Variants in SF3A3 observed in about 807,000 individuals in gnomAD.
SF3A3 encodes splicing factor 3a subunit 3.
In SF3A3, 9 loss-of-function variants were observed where a neutral mutation model predicts 85.8. The observed-to-expected ratio is 0.10, with a 90% CI of 0.06 to 0.18. The LOEUF (loss-of-function observed/expected upper bound fraction) is 0.18, where lower values mean the gene tolerates loss of function less well. Ranked by LOEUF, SF3A3 falls within the 10% of genes least tolerant of loss-of-function variation. The pLI, the probability that SF3A3 is intolerant of heterozygous loss-of-function variation, is 1.00. For missense variants in SF3A3, 306 were observed against 593.3 expected, an observed-to-expected ratio of 0.52 and a Z score of 5.03; for synonymous variants, 195 against 204.4, an observed-to-expected ratio of 0.95 and a Z score of 0.39.
chr1:37,960,069 A>G, intron 16 of SF3A3, 51 bp downstream of exon 16: 4 of 1,456,696 alleles, frequency 2.7e-6, no homozygotes, highest in Non-Finnish European at 3.8e-6. Flanking sequence ...ATGGTGAGGG[A>G]GCTCTCTATC....
At chr1:37,970,345 C>G (rs1361395446) in intron 12 of SF3A3, among the ~76,000 whole-genome samples, 1 of 151,676 alleles carries the variant, frequency 6.6e-6, no homozygotes, top group Non-Finnish European at 1.5e-5. Context: ...ACAGGAGCAC[C>G]CAGATTCATA....
chr1:37,957,375 T>TCCCCCCCC lies in SF3A3; in HGVS notation c.*803_*810dup, dbSNP rs779665930. ...CAGGCCCATTCCAACACAGCCCAAC[T>TCCCCCCCC]CCCCCCCCCCCCCCTTTTTTTTTTT... On this transcript the variant is annotated 3_prime_UTR_variant, in exon 17 of 17. Transcript: ENST00000373019. 2 of 100,564 alleles carry TCCCCCCCC rather than the reference T, an allele frequency of 2.0e-5. No individual in the cohort carries two copies. Among genetic ancestry groups the TCCCCCCCC allele is most frequent in the Non-Finnish European group, 2.1e-5 (1 of 47,942 alleles). 6.2% of individuals were successfully genotyped at this position (100,564 alleles called of 1,614,324 possible).
In SF3A3 at chr1:37,976,477, T is replaced by C. The variant is rs181191499; in HGVS notation, c.1005+407A>G. ...TAATCTTATGAACATGTAAGTTGAC[T>C]TACATGAGATGACTTATGAAAATGC... On this transcript the variant is annotated intron_variant, in intron 12 of 16. Coordinates refer to ENST00000373019, the MANE Select transcript of SF3A3 (RefSeq NM_006802.4). Among the ~76,000 whole-genome samples, 128 of 152,294 alleles carry C rather than the reference T, an allele frequency of 8.4e-4. 1 individual carries two copies. The highest frequency in any genetic ancestry group is 1.9e-3 in the African/African-American group (81 of 41,570).
intron 16 of SF3A3, among the ~76,000 whole-genome samples, chr1:37,958,948 T>C (rs1297165147): frequency 6.6e-6 from 1 of 152,108 alleles, no homozygotes; most frequent in Non-Finnish European, 1.5e-5. Flanking sequence ...GCTATGAGAG[T>C]ATCATCTCTC....
rs1431632067 is a variant in SF3A3 at position 37,957,391 on chromosome 1, T to G, written c.*795A>C. 1 of 128,502 alleles carries G rather than the reference T, an allele frequency of 7.8e-6. No individual in the cohort carries two copies. Among genetic ancestry groups the G allele is most frequent in the East Asian group, 2.7e-4 (1 of 3,770 alleles). The allele number at this position is 128,502 out of a possible 1,614,324, so 8.0% of individuals were successfully genotyped here. On this transcript the variant is annotated 3_prime_UTR_variant, in exon 17 of 17. Transcript: ENST00000373019. Reference sequence around the variant, plus strand: ...CAGCCCAACTCCCCCCCCCCCCCCTTTTTTTTTTTTTGAGATGGGGCCTCA... The same window carrying G: ...CAGCCCAACTCCCCCCCCCCCCCCTGTTTTTTTTTTTGAGATGGGGCCTCA...
intron 15 of SF3A3, among the ~76,000 whole-genome samples, chr1:37,962,150 G>C (rs917587087): frequency 6.6e-6 from 1 of 150,936 alleles, no homozygotes; most frequent in East Asian, 2.0e-4. Context: ...TTCAAGCCCA[G>C]GTAATATGCA....
chr1:37,971,163 A>G (rs1459900988), intron 12 of SF3A3, among the ~76,000 whole-genome samples: 2 of 152,180 alleles, frequency 1.3e-5, no homozygotes, highest in African/African-American at 4.8e-5. Context: ...ATAAAAAACG[A>G]AAAAGGAGAT....
chr1:37,958,870 CA>C (rs1196467416), intron 16 of SF3A3, among the ~76,000 whole-genome samples: 2 of 152,144 alleles, frequency 1.3e-5, no homozygotes, highest in Admixed American at 1.3e-4. Flanking sequence ...ACATACATGT[CA>C]TTCTTGATCT....
chr1:37,986,773 C>T (rs1215362728), intron 4 of SF3A3, among the ~76,000 whole-genome samples: 1 of 128,622 alleles, frequency 7.8e-6, no homozygotes, highest in East Asian at 2.3e-4. Context: ...GATCATGCCA[C>T]TGCACTCCAG....
intron 15 of SF3A3, among the ~76,000 whole-genome samples, chr1:37,962,032 C>T (rs1356345554): frequency 6.6e-6 from 1 of 150,630 alleles, no homozygotes; most frequent in South Asian, 2.1e-4. Context: ...TTGGGTGAGC[C>T]GAGATCGCAC....
chr1:37,976,457 T>C (rs1646380612), intron 12 of SF3A3, among the ~76,000 whole-genome samples: 1 of 152,098 alleles, frequency 6.6e-6, no homozygotes, highest in South Asian at 2.1e-4. Flanking sequence ...TCTCATAATC[T>C]TATGAACATG....
chr1:37,957,918 T>C lies in SF3A3; in HGVS notation c.*268A>G. The C allele has an allele frequency of 2.4e-6, 1 of 408,554 alleles. No individual in the cohort carries two copies. The allele number at this position is 408,554 out of a possible 1,614,324, so 25.3% of individuals were successfully genotyped here. On this transcript the variant is annotated 3_prime_UTR_variant, in exon 17 of 17. Transcript: ENST00000373019. ...TGGTGAGGAAGAGGTATGGAGGCGT[T>C]AAGACCTGAAGCACTGAGTTGGTCC...
chr1:37,983,601 A>AAAAAAAAAAAAAAAC, intron 6 of SF3A3, among the ~76,000 whole-genome samples: 1 of 148,796 alleles, frequency 6.7e-6, no homozygotes, highest in Non-Finnish European at 1.5e-5. Context: ...AAAAAAAAAA[A>AAAAAAAAAAAAAAAC]AAAAAAAGAT....
chr1:37,969,300 A>C (rs1646323086), intron 14 of SF3A3, 54 bp downstream of exon 14: 1 of 1,341,868 alleles, frequency 7.5e-7, no homozygotes, highest in Non-Finnish European at 1.1e-6. Flanking sequence ...CTTTTCTCTA[A>C]AAGTCTCATG....
At position 37,960,041 on chromosome 1, in the gene SF3A3, C is replaced by A; in HGVS notation, c.1428+79G>T. The A allele has an allele frequency of 5.4e-6, 6 of 1,120,702 alleles. No homozygotes were observed. In the South Asian group the frequency reaches 6.3e-5, roughly 12 times the overall value. The allele number at this position is 1,120,702 out of a possible 1,614,324, so 69.4% of individuals were successfully genotyped here. A position where few individuals can be genotyped will look rare whatever the true frequency, so the allele number is the denominator to read the frequency against. On this transcript the variant is annotated intron_variant, in intron 16 of 16. Coordinates refer to ENST00000373019, the MANE Select transcript of SF3A3 (RefSeq NM_006802.4). ...GCTGCTGCAGTACACCAGGGACCAT[C>A]TTTCACCTCCTTTCTACATGGTGAG...
intron 15 of SF3A3, among the ~76,000 whole-genome samples, chr1:37,964,957 C>T (rs765837242): frequency 1.7e-4 from 26 of 151,912 alleles, no homozygotes; most frequent in Non-Finnish European, 3.4e-4. Context: ...TCAGAAGTTC[C>T]AGGCCAGCCT....
At chr1:37,983,586 C>A (rs1277937866) in intron 6 of SF3A3, among the ~76,000 whole-genome samples, 77 of 38,468 alleles carry the variant, frequency 2.0e-3, no homozygotes, top group African/African-American at 2.6e-3. Context: ...GACCCTGTCT[C>A]AAAAAAAAAA....
At chr1:37,975,826 G>A (rs999757451) in intron 12 of SF3A3, among the ~76,000 whole-genome samples, 2 of 152,186 alleles carry the variant, frequency 1.3e-5, no homozygotes, top group Non-Finnish European at 1.5e-5. Flanking sequence ...TCCACTCAAC[G>A]GACCATGCGA....
chr1:37,974,463 T>C (rs534146892), intron 12 of SF3A3, among the ~76,000 whole-genome samples: 3 of 152,184 alleles, frequency 2.0e-5, no homozygotes, highest in South Asian at 2.1e-4. Context: ...CCACTATGCC[T>C]GGCTAATTTT....
Sources: allele counts gnomAD v4.1 joint callset (sites outside exome capture counted in the v4.1 genomes callset), GRCh38; gene constraint gnomAD v4.1.1; transcripts MANE v1.5; gene names NCBI Gene and HGNC (gene_info 2026-07-23, HGNC 2026-07-21).